Variants in COL13A1 observed in about 807,000 individuals in gnomAD.
The protein encoded by COL13A1 is collagen type XIII alpha 1 chain.
In COL13A1, 89 loss-of-function variants were observed where a neutral mutation model predicts 130.9. That is an observed-to-expected ratio of 0.68 (90% CI 0.57 to 0.81). The LOEUF is 0.81. COL13A1 is among the 30% of genes least tolerant of loss of function. The pLI is 0.00. For missense variants in COL13A1, 879 were observed against 934.6 expected (o/e 0.94, Z 0.78); for synonymous variants, 402 against 341.6 (o/e 1.18, Z -1.95).
At chr10:69,829,855 GC>G (rs1437941013) in intron 2 of COL13A1, among the ~76,000 whole-genome samples, 1 of 152,216 alleles carries the variant, frequency 6.6e-6, no homozygotes, top group Admixed American at 6.5e-5. Flanking sequence ...CTCTGGCTCT[GC>G]GTTTCAGAAA....
intron 1 of COL13A1, among the ~76,000 whole-genome samples, chr10:69,818,704 G>T (rs981564432): frequency 6.6e-6 from 1 of 152,182 alleles, no homozygotes; most frequent in East Asian, 1.9e-4. Flanking sequence ...GGTGCAGGGG[G>T]AGTCAATGTT....
rs1057449448 is a variant in COL13A1, at chr10:69,959,065, A to G, written c.*364A>G. ...ATTCACATAAATGTAGAGGTCCATG[A>G]TATTTGCTAAGCTAGGTGTGTCTAA... On this transcript the variant is annotated 3_prime_UTR_variant, in exon 41 of 41. Transcript: ENST00000645393. 7.1e-5 allele frequency: 16 copies of G among 226,356 alleles called. No homozygotes were observed. The highest frequency in any genetic ancestry group is 1.4e-4 in the Non-Finnish European group (16 of 115,098). 14.0% of individuals were successfully genotyped at this position (226,356 alleles called of 1,614,324 possible). A position where few individuals can be genotyped will look rare whatever the true frequency, so the allele number is the denominator to read the frequency against.
intron 2 of COL13A1, among the ~76,000 whole-genome samples, chr10:69,845,500 C>T (rs1852781719): frequency 6.6e-6 from 1 of 152,040 alleles, no homozygotes; most frequent in Admixed American, 6.6e-5. Context: ...CCCTCTTCCT[C>T]TTTTCTTACA....
At chr10:69,840,117 G>T (rs1851198853) in intron 2 of COL13A1, among the ~76,000 whole-genome samples, 1 of 152,166 alleles carries the variant, frequency 6.6e-6, no homozygotes, top group Non-Finnish European at 1.5e-5. Flanking sequence ...CCTTGCTGAT[G>T]GGCTGGCTGT....
At chr10:69,878,185 T>C (rs900282217) in intron 6 of COL13A1, 120 bp downstream of exon 6, 4 of 661,662 alleles carry the variant, frequency 6.0e-6, no homozygotes, top group Non-Finnish European at 1.1e-5. Flanking sequence ...TGGCTGGGCC[T>C]GCTGCCCTCA....
At position 69,894,568 on chromosome 10, in the gene COL13A1, C is replaced by A. The variant is rs1188518565; in HGVS notation, c.620C>A (p.Pro207Gln). Residue 207 changes from proline to glutamine, a missense_variant, in exon 11 of 41, where the codon CCA becomes CAA. Transcript: ENST00000645393. ...PKGDMGLTGP[P>Q]GQPGPQGQKG... ...TTCCCACAGGGTCTGACGGGTCCCC[C>A]AGGACAGCCGGTTGGTACCTCATCC... is the stretch of plus-strand genomic sequence containing the variant. 2 of 1,614,010 alleles carry A rather than the reference C, an allele frequency of 1.2e-6. No homozygotes were observed. Among genetic ancestry groups the A allele is most frequent in the Admixed American group, 1.7e-5 (1 of 60,026 alleles).
intron 17 of COL13A1, among the ~76,000 whole-genome samples, chr10:69,915,401 T>A (rs1212645823): frequency 6.6e-6 from 1 of 152,114 alleles, no homozygotes; most frequent in Non-Finnish European, 1.5e-5. Flanking sequence ...GGGTCACTGG[T>A]GGGGTCATGC....
chr10:69,809,363 G>A lies in COL13A1; in HGVS notation c.294+6646G>A, dbSNP rs117854952. ...AGTAGCTGATATTTATTGAGTTTAC[G>A]CTGTGTATTGAGCTTACACTTACAC... On this transcript the variant is annotated intron_variant, in intron 1 of 40. Coordinates refer to ENST00000645393, the MANE Select transcript of COL13A1 (RefSeq NM_001368882.1). Among the ~76,000 whole-genome samples the A allele has an allele frequency of 4.0e-4, 61 of 152,324 alleles. No individual in the cohort carries two copies. The East Asian group carries it at 6.6e-3, about 16-fold the overall frequency.
At chr10:69,940,349 G>A (rs1380020234) in intron 34 of COL13A1, among the ~76,000 whole-genome samples, 1 of 152,228 alleles carries the variant, frequency 6.6e-6, no homozygotes, top group Non-Finnish European at 1.5e-5. Flanking sequence ...TTTAGGTTGA[G>A]CATCTCAGAC....
intron 23 of COL13A1, 86 bp downstream of exon 23, chr10:69,922,880 A>G (rs2064868672): frequency 1.1e-6 from 1 of 870,994 alleles, no homozygotes; most frequent in South Asian, 2.1e-5. Context: ...TACGTCCCGG[A>G]CATCCCGCCT....
rs986108340 is a variant in COL13A1, at chr10:69,930,564, G to A, written c.1683+12G>A. On this transcript the variant is annotated intron_variant, in intron 30 of 40. Transcript: ENST00000645393. ...AAGCAGGCTCACCGGTGAGTGGCAG[G>A]GCTGGCTGCCCTTCCGTGCATACAC... The A allele has an allele frequency of 6.2e-6, 10 of 1,611,264 alleles. No homozygotes were observed. The Admixed American group carries it at 1.7e-4, about 27-fold the overall frequency.
chr10:69,888,477 G>A lies in COL13A1; in HGVS notation c.576+147G>A, dbSNP rs2060823540. 3.5e-6 allele frequency: 4 copies of A among 1,151,444 alleles called. No individual in the cohort carries two copies. In the East Asian group the frequency reaches 7.7e-5, roughly 22 times the overall value. 71.3% of individuals were successfully genotyped at this position (1,151,444 alleles called of 1,614,324 possible). ...GTTGTCACTAGTGGGAAGTGGAGGG[G>A]GCCATTTGAGTCACCCCTGACCCCA... On this transcript the variant is annotated intron_variant, in intron 9 of 40. Transcript: ENST00000645393.
At position 69,897,834 on chromosome 10, in the gene COL13A1, C is replaced by T. The variant is rs1298111575; in HGVS notation, c.685-863C>T. Reference sequence around the variant, plus strand: ...ACAGTATATGCCATCTTTGTTTTCACATGGGCTCTGATGGCCTCCTAAAGC... The same window carrying T: ...ACAGTATATGCCATCTTTGTTTTCATATGGGCTCTGATGGCCTCCTAAAGC... On this transcript the variant is annotated intron_variant, in intron 13 of 40. Transcript: ENST00000645393. 4.6e-5 allele frequency among the ~76,000 whole-genome samples: 7 copies of T among 152,368 alleles called. No homozygotes were observed. The East Asian group carries it at 1.2e-3, about 25-fold the overall frequency.
chr10:69,889,642 C>T (rs1422520971), intron 10 of COL13A1, among the ~76,000 whole-genome samples: 1 of 152,248 alleles, frequency 6.6e-6, no homozygotes, highest in Non-Finnish European at 1.5e-5. Flanking sequence ...GCTTCTCCAT[C>T]TGAAGCATGA....
chr10:69,866,664 T>A (rs1418959846), intron 2 of COL13A1, among the ~76,000 whole-genome samples: 1 of 152,060 alleles, frequency 6.6e-6, no homozygotes, highest in Non-Finnish European at 1.5e-5. Context: ...CTTGACTTTT[T>A]CTGTTGCTTT....
At chr10:69,822,274 C>T in intron 1 of COL13A1, 95 bp from the exon 2 acceptor site, 1 of 919,788 alleles carries the variant, frequency 1.1e-6, no homozygotes. Flanking sequence ...GCCGGTTTCC[C>T]CCTCTTCCTG....
Position 69,936,228 on chromosome 10 carries a change from T to G in COL13A1, c.1771-528T>G, listed in dbSNP as rs1003421186. Among the ~76,000 whole-genome samples, 13 of 152,014 alleles carry G rather than the reference T, an allele frequency of 8.6e-5. 1 individual carries two copies. The highest frequency in any genetic ancestry group is 2.9e-4 in the African/African-American group (12 of 41,444). Reference sequence around the variant, plus strand: ...AGCCCCAGCCCCACTGGATTGGCTTTCCTTGGCTACAGAAATGTAACCATG... The same window carrying G: ...AGCCCCAGCCCCACTGGATTGGCTTGCCTTGGCTACAGAAATGTAACCATG... On this transcript the variant is annotated intron_variant, in intron 32 of 40. Transcript: ENST00000645393.
intron 2 of COL13A1, among the ~76,000 whole-genome samples, chr10:69,826,257 G>A (rs2132741145): frequency 6.6e-6 from 1 of 152,322 alleles, no homozygotes; most frequent in East Asian, 1.9e-4. Flanking sequence ...GGGTGGGGCA[G>A]GCAGTGTGAA....
At chr10:69,870,269 C>T (rs773945142) in intron 3 of COL13A1, among the ~76,000 whole-genome samples, 1 of 145,032 alleles carries the variant, frequency 6.9e-6, no homozygotes, top group Non-Finnish European at 1.5e-5. Context: ...GTTTTGCAAA[C>T]CTTTAATTTT....
Sources: gnomAD v4.1 joint callset for allele counts (sites outside exome capture counted in the v4.1 genomes callset) on GRCh38, gnomAD v4.1.1 for gene constraint, MANE v1.5 for transcripts, NCBI Gene and HGNC (gene_info 2026-07-23, HGNC 2026-07-21) for gene names.